The following FGD5 variants were observed in gnomAD, a reference collection of about 807,000 sequenced individuals.
FGD5 encodes the protein FYVE, RhoGEF and PH domain containing 5.
FGD5 carries 28 observed loss-of-function variants against 133.4 expected under a neutral mutation model. The observed-to-expected ratio is 0.21, with a 90% confidence interval of 0.16 to 0.29. FGD5 has a LOEUF of 0.29. FGD5 is among the 10% of genes least tolerant of loss of function. The pLI is 1.00. For missense variants in FGD5, 1,858 were observed against 1,895.2 expected, an observed-to-expected ratio of 0.98 and a Z score of 0.36; for synonymous variants, 810 against 776.5, an observed-to-expected ratio of 1.04 and a Z score of -0.72.
intron 1 of FGD5, among the ~76,000 whole-genome samples, chr3:14,850,538 A>AGTCAC (rs1239774934): frequency 1.3e-5 from 2 of 152,162 alleles, no homozygotes; most frequent in African/African-American, 2.4e-5. Context: ...GATGGGAGGA[A>AGTCAC]GTCACCTCCA....
intron 1 of FGD5, among the ~76,000 whole-genome samples, chr3:14,853,767 G>A (rs960048714): frequency 6.6e-6 from 1 of 150,536 alleles, no homozygotes; most frequent in South Asian, 2.1e-4. Flanking sequence ...GCACCAGGCC[G>A]GGTTACACAG....
chr3:14,884,757 G>A (rs760339202), intron 4 of FGD5, among the ~76,000 whole-genome samples: 42 of 152,298 alleles, frequency 2.8e-4, no homozygotes, highest in African/African-American at 8.7e-4. Flanking sequence ...TGGGATCACC[G>A]GAGGTGTCTT....
Position 14,922,614 on chromosome 3 carries a change from C to A in FGD5, c.3807+66C>A. 1 of 1,520,736 alleles carries A rather than the reference C, an allele frequency of 6.6e-7. No homozygotes were observed. The highest frequency in any genetic ancestry group is 1.4e-5 in the African/African-American group (1 of 73,028). 94.2% of individuals were successfully genotyped at this position (1,520,736 alleles called of 1,614,324 possible). On this transcript the variant is annotated intron_variant, in intron 15 of 19. Coordinates refer to ENST00000285046, the MANE Select transcript of FGD5 (RefSeq NM_152536.4). This position sits in a 1 kb window ranked among gnomAD's most constrained non-coding sequence, Gnocchi z 4.1. The stretch of plus-strand genomic sequence containing the variant: ...GGGTGGGGGAAGGGCATGTCCCTGC[C>A]CAGCCGGGGGCTCAGGGATGTCCAG...
intron 4 of FGD5, among the ~76,000 whole-genome samples, chr3:14,890,775 A>T (rs1233538797): frequency 6.6e-6 from 1 of 152,238 alleles, no homozygotes; most frequent in African/African-American, 2.4e-5. Context: ...AGCAATTAAT[A>T]TTTAAGCTCC....
chr3:14,866,564 A>T (rs1408858733), intron 2 of FGD5, among the ~76,000 whole-genome samples: 1 of 152,158 alleles, frequency 6.6e-6, no homozygotes, highest in Non-Finnish European at 1.5e-5. Context: ...CAACTTCCTG[A>T]CCACTCTGCT....
At chr3:14,864,382 GAT>G in intron 2 of FGD5, 122 bp downstream of exon 2, 2 of 1,462,848 alleles carry the variant, frequency 1.4e-6, no homozygotes, top group Non-Finnish European at 1.9e-6. Context: ...GCCCCAGCTG[GAT>G]GCAGGGGCTG....
chr3:14,900,528 C>T (rs959011081), intron 8 of FGD5, 75 bp downstream of exon 8: 1 of 1,539,158 alleles, frequency 6.5e-7, no homozygotes, highest in Non-Finnish European at 8.9e-7. Context: ...GGACCCTGCC[C>T]CAATTCCAAG....
chr3:14,919,815 A>G (rs1397658970), intron 13 of FGD5, among the ~76,000 whole-genome samples: 1 of 152,038 alleles, frequency 6.6e-6, no homozygotes, highest in Non-Finnish European at 1.5e-5. Context: ...GGGAGGAGCA[A>G]GGGTCTCTCT....
At chr3:14,901,196 C>CAGAACCCACGGCTCTCT in intron 9 of FGD5, 135 bp downstream of exon 9, 3 of 949,338 alleles carry the variant, frequency 3.2e-6, no homozygotes, top group Non-Finnish European at 5.0e-6. Flanking sequence ...TGCAGAGAGC[C>CAGAACCCACGGCTCTCT]GTGGGTTCTG....
At chr3:14,890,810 G>A (rs902677362) in intron 4 of FGD5, among the ~76,000 whole-genome samples, 2 of 152,150 alleles carry the variant, frequency 1.3e-5, no homozygotes, top group Non-Finnish European at 2.9e-5. Context: ...AAATACAGCC[G>A]GTCTTGTCTT....
At position 14,922,195 on chromosome 3, in the gene FGD5, A is replaced by G. The variant is rs1011378885; in HGVS notation, c.3669+178A>G. The G allele has an allele frequency of 3.8e-5, 37 of 967,536 alleles. 1 individual carries two copies. Among genetic ancestry groups the G allele is most frequent in the Middle Eastern group, 3.3e-4 (1 of 3,076 alleles). 59.9% of individuals were successfully genotyped at this position (967,536 alleles called of 1,614,324 possible). ...GTCAGGGGCGGCCTCCGTGTAACCT[A>G]GGAGCCCAGCACCCACAGTCTTGTT... On this transcript the variant is annotated intron_variant, in intron 14 of 19. Coordinates refer to ENST00000285046, the MANE Select transcript of FGD5 (RefSeq NM_152536.4). The surrounding 1 kb of genome is among the most constrained non-coding windows in gnomAD (Gnocchi z 4.1).
At chr3:14,870,526 T>C (rs1293381453) in intron 2 of FGD5, among the ~76,000 whole-genome samples, 1 of 152,182 alleles carries the variant, frequency 6.6e-6, no homozygotes, top group Admixed American at 6.5e-5. Flanking sequence ...TTCCCTGGGC[T>C]TGCCTGACAG....
At chr3:14,919,346 C>T (rs62241793) in intron 13 of FGD5, among the ~76,000 whole-genome samples, 11 of 152,204 alleles carry the variant, frequency 7.2e-5, no homozygotes, top group Middle Eastern at 3.4e-3. Context: ...AGGCCGGGCG[C>T]GGTGGCTCAC....
intron 2 of FGD5, among the ~76,000 whole-genome samples, chr3:14,872,554 A>G (rs2037633076): frequency 6.6e-6 from 1 of 152,228 alleles, no homozygotes; most frequent in African/African-American, 2.4e-5. Flanking sequence ...TTACATATTC[A>G]GCAAATTATA....
At chr3:14,883,460 A>G (rs938846846) in intron 4 of FGD5, among the ~76,000 whole-genome samples, 7 of 152,122 alleles carry the variant, frequency 4.6e-5, no homozygotes, top group African/African-American at 1.4e-4. Context: ...TCATCTATTC[A>G]TGCATCAAGT....
rs1464108225 is a variant in FGD5 at position 14,924,071 on chromosome 3, C to G, written c.4001C>G (p.Ser1334Cys). ...SPRFSGSAFSSVFQSINPSTF... is the reference protein window; with the variant it reads ...SPRFSGSAFSCVFQSINPSTF... ...CGCTTCTCGGGCAGTGCCTTTTCAT[C>G]CGTCTTCCAGAGCATTAACCCCTCG... is the stretch of plus-strand genomic sequence containing the variant. Residue 1334 changes from serine (S) to cysteine (C), a missense_variant, in exon 17 of 20, where the codon TCC becomes TGC. Physicochemically the swap from Ser to Cys is moderately radical, Grantham distance 112. Transcript: ENST00000285046. 2 of 1,613,900 alleles carry G rather than the reference C, an allele frequency of 1.2e-6. No individual in the cohort carries two copies. Among genetic ancestry groups the G allele is most frequent in the Non-Finnish European group, 1.7e-6 (2 of 1,179,908 alleles).
At chr3:14,841,104 A>G (rs1452406678) in intron 1 of FGD5, among the ~76,000 whole-genome samples, 2 of 152,142 alleles carry the variant, frequency 1.3e-5, no homozygotes, top group South Asian at 2.1e-4. Flanking sequence ...AGATGCACCC[A>G]TTTGTAACTG....
rs1248380316 is a variant in FGD5 at position 14,922,242 on chromosome 3, A to G, written c.3670-169A>G. On this transcript the variant is annotated intron_variant, in intron 14 of 19. Transcript: ENST00000285046. The surrounding 1 kb of genome is among the most constrained non-coding windows in gnomAD (Gnocchi z 4.1). ...TGTTCTCACAGTCTGGCTGTTTCCC[A>G]ACCAAGGGTGAGCATCCTGGAGGGT... 4.4e-6 allele frequency: 5 copies of G among 1,135,242 alleles called. No homozygotes were observed. In the African/African-American group the frequency reaches 7.7e-5, roughly 18 times the overall value. The allele number at this position is 1,135,242 out of a possible 1,614,324, so 70.3% of individuals were successfully genotyped here. A position where few individuals can be genotyped will look rare whatever the true frequency, so the allele number is the denominator to read the frequency against.
chr3:14,819,021 C>T lies in FGD5; in HGVS notation c.-51C>T. ...CAGTCCACTGACGCCAGTGACCGCGCCCAAATTCCCTTCCTCAGCCAGGCC... is the reference window on the plus strand; with the variant it reads ...CAGTCCACTGACGCCAGTGACCGCGTCCAAATTCCCTTCCTCAGCCAGGCC... On this transcript the variant is annotated 5_prime_UTR_variant, in exon 1 of 20. Coordinates refer to ENST00000285046, the MANE Select transcript of FGD5 (RefSeq NM_152536.4). This position sits in a 1 kb window ranked among gnomAD's most constrained non-coding sequence, Gnocchi z 4.1. The T allele has an allele frequency of 6.7e-7, 1 of 1,493,286 alleles. No individual in the cohort carries two copies. Among genetic ancestry groups the T allele is most frequent in the Non-Finnish European group, 8.9e-7 (1 of 1,120,254 alleles). 92.5% of individuals were successfully genotyped at this position (1,493,286 alleles called of 1,614,324 possible).
Sources: gnomAD v4.1 joint callset for allele counts (sites outside exome capture counted in the v4.1 genomes callset) on GRCh38, gnomAD v4.1.1 for gene constraint, Gnocchi (gnomAD v3.1) non-coding constraint, MANE v1.5 for transcripts, NCBI Gene and HGNC (gene_info 2026-07-23, HGNC 2026-07-21) for gene names.